The following RNF214 variants were observed in gnomAD, a reference collection of about 807,000 sequenced individuals.
RNF214 encodes ring finger protein 214.
A neutral mutation model predicts 75.9 loss-of-function variants in RNF214; 25 were observed. The observed-to-expected ratio is 0.33, with a 90% confidence interval of 0.24 to 0.46. The LOEUF is 0.46. Ranked by LOEUF, RNF214 falls within the 20% of genes least tolerant of loss-of-function variation. The pLI, the probability that RNF214 is intolerant of heterozygous loss-of-function variation, is 1.00. For missense variants in RNF214, 725 were observed against 857.5 expected (o/e 0.85, Z 1.93); for synonymous variants, 314 against 308.8 (o/e 1.02, Z -0.18).
chr11:117,244,372 C>T, intron 4 of RNF214, 73 bp from the exon 5 acceptor site: 5 of 1,331,314 alleles, frequency 3.8e-6, no homozygotes, highest in Non-Finnish European at 4.3e-6. Flanking sequence ...TATACAATGC[C>T]TTGGACAGGC....
chr11:117,250,584 A>G (rs940208940), intron 6 of RNF214, among the ~76,000 whole-genome samples: 4 of 145,186 alleles, frequency 2.8e-5, no homozygotes, highest in Non-Finnish European at 6.0e-5. Context: ...CATTCATTTT[A>G]TTATTTTTAT....
chr11:117,280,982 C>CTTTTTTTT (rs57955215), intron 8 of RNF214, among the ~76,000 whole-genome samples: 1 of 88,020 alleles, frequency 1.1e-5, no homozygotes, highest in African/African-American at 4.6e-5. Context: ...AGGAATAGGG[C>CTTTTTTTT]TTTTTTTTTT....
chr11:117,248,980 G>A (rs1029212173), intron 6 of RNF214, among the ~76,000 whole-genome samples: 4 of 152,048 alleles, frequency 2.6e-5, no homozygotes, highest in African/African-American at 9.7e-5. Context: ...CTGGAGTGCA[G>A]TGGCGCAATC....
chr11:117,281,386 A>G lies in RNF214; in HGVS notation c.1218A>G (p.Ile406Met). The part of the protein sequence containing the change: ...EWETRLNGVR[I>M]MKKNVRDQFN... Reference sequence around the variant, plus strand: ...AGACGAGACTGAATGGAGTTCGGATAATGAAAAAGAATGTTCGTGTAAGTG... The same window carrying G: ...AGACGAGACTGAATGGAGTTCGGATGATGAAAAAGAATGTTCGTGTAAGTG... Residue 406 changes from isoleucine (I) to methionine (M), a missense_variant, in exon 9 of 15, where the codon ATA (isoleucine) becomes ATG (methionine). Physicochemically the swap from Ile to Met is conservative, Grantham distance 10. Around this residue, in one of 2 missense-constraint regions of RNF214, gnomAD observed 363 missense variants for 513.0 expected, o/e 0.71. Coordinates refer to ENST00000300650, the MANE Select transcript of RNF214 (RefSeq NM_207343.4). 2 of 1,611,478 alleles carry G rather than the reference A, an allele frequency of 1.2e-6. No homozygotes were observed. Among genetic ancestry groups the G allele is most frequent in the Non-Finnish European group, 8.5e-7 (1 of 1,177,704 alleles).
intron 1 of RNF214, among the ~76,000 whole-genome samples, 166 bp from the exon 2 acceptor site, chr11:117,234,101 G>A (rs2032829378): frequency 6.6e-6 from 1 of 152,182 alleles, no homozygotes; most frequent in Admixed American, 6.5e-5. Context: ...CTAGGACTTT[G>A]CATACAATGT....
chr11:117,261,791 GC>G (rs1362506010), intron 6 of RNF214, among the ~76,000 whole-genome samples: 1 of 151,122 alleles, frequency 6.6e-6, no homozygotes, highest in Non-Finnish European at 1.5e-5. Context: ...GATTACTGGT[GC>G]CTGCCACCAT....
rs1460849153 is a variant in RNF214, at chr11:117,239,012, T to C, written c.519T>C (p.Pro173=). ...GGGACACAAGCTTGGATTTCCGACC[T>C]GTAGTGTCTCCAGCAAATGGGGTTG... ...GNRDTSLDFR[P]VVSPANGVEG... is the part of the protein sequence containing the mutation. Residue 173 remains proline, a synonymous_variant, in exon 3 of 15, where the codon CCT becomes CCC. Coordinates refer to ENST00000300650, the MANE Select transcript of RNF214 (RefSeq NM_207343.4). 2.5e-6 allele frequency: 4 copies of C among 1,614,216 alleles called. No individual in the cohort carries two copies. The highest frequency in any genetic ancestry group is 2.2e-5 in the East Asian group (1 of 44,892).
At chr11:117,253,503 T>C (rs899913205) in intron 6 of RNF214, among the ~76,000 whole-genome samples, 1 of 152,208 alleles carries the variant, frequency 6.6e-6, no homozygotes, top group African/African-American at 2.4e-5. Context: ...TCCCTGTTAG[T>C]GCTCTTCCAG....
At chr11:117,240,356 C>T (rs2134358193) in intron 4 of RNF214, among the ~76,000 whole-genome samples, 1 of 130,534 alleles carries the variant, frequency 7.7e-6, no homozygotes, top group South Asian at 2.4e-4. Flanking sequence ...GCCTGGGTGA[C>T]AGAGTGAGAC....
intron 6 of RNF214, among the ~76,000 whole-genome samples, chr11:117,257,437 T>TA (rs2134385752): frequency 6.6e-6 from 1 of 152,318 alleles, no homozygotes; most frequent in African/African-American, 2.4e-5. Flanking sequence ...ACAGAAAAAG[T>TA]AAAAAATAAC....
At chr11:117,276,025 A>G (rs1250376114) in intron 6 of RNF214, among the ~76,000 whole-genome samples, 2 of 152,242 alleles carry the variant, frequency 1.3e-5, no homozygotes, top group African/African-American at 4.8e-5. Context: ...CAGCATATCA[A>G]AAAGATAATT....
chr11:117,265,744 A>G (rs1004323121), intron 6 of RNF214, among the ~76,000 whole-genome samples: 9 of 152,154 alleles, frequency 5.9e-5, no homozygotes, highest in Non-Finnish European at 1.2e-4. Context: ...AAATCAACTT[A>G]TTTGAGATAT....
rs542831573 is a variant in RNF214 at position 117,279,662 on chromosome 11, G to A, written c.960-246G>A. Among the ~76,000 whole-genome samples, 3 of 152,090 alleles carry A rather than the reference G, an allele frequency of 2.0e-5. No individual in the cohort carries two copies. In the South Asian group the frequency reaches 6.2e-4, roughly 32 times the overall value. Reference sequence around the variant, plus strand: ...ACAACGTTTTTACTTTCAAATATAGGGCCATTATGCAACTGCAGACCACTG... The same window carrying A: ...ACAACGTTTTTACTTTCAAATATAGAGCCATTATGCAACTGCAGACCACTG... On this transcript the variant is annotated intron_variant, in intron 6 of 14. Coordinates refer to ENST00000300650, the MANE Select transcript of RNF214 (RefSeq NM_207343.4).
At chr11:117,235,838 A>G (rs913755484) in intron 2 of RNF214, among the ~76,000 whole-genome samples, 1 of 152,186 alleles carries the variant, frequency 6.6e-6, no homozygotes, top group Admixed American at 6.5e-5. Flanking sequence ...TGATCAGATC[A>G]GGGTAATTAG....
chr11:117,238,628 G>C lies in RNF214; in HGVS notation c.135G>C (p.Lys45Asn). The change falls in exon 3 of 15, where the codon AAG becomes AAC. Residue 45 changes from lysine (K) to asparagine (N), a missense_variant. Around this residue, in one of 2 missense-constraint regions of RNF214, gnomAD observed 362 missense variants for 344.5 expected, o/e 1.05. Coordinates refer to ENST00000300650, the MANE Select transcript of RNF214 (RefSeq NM_207343.4). ...LSTKDSAQKQKNSPLLSVSSQ... is the reference protein window; with the variant it reads ...LSTKDSAQKQNNSPLLSVSSQ... ...CCAAAGACTCTGCACAGAAGCAGAA[G>C]AACTCGCCTCTGTTGAGTGTAAGTA... 3 of 1,613,700 alleles carry C rather than the reference G, an allele frequency of 1.9e-6. No individual in the cohort carries two copies. Among genetic ancestry groups the C allele is most frequent in the Non-Finnish European group, 2.5e-6 (3 of 1,179,714 alleles).
chr11:117,259,310 C>T (rs1198547919), intron 6 of RNF214, among the ~76,000 whole-genome samples: 1 of 152,160 alleles, frequency 6.6e-6, no homozygotes, highest in African/African-American at 2.4e-5. Flanking sequence ...TTTATTCATT[C>T]TGCTGTTGAT....
At chr11:117,253,088 C>T (rs2033439774) in intron 6 of RNF214, among the ~76,000 whole-genome samples, 1 of 152,122 alleles carries the variant, frequency 6.6e-6, no homozygotes, top group Non-Finnish European at 1.5e-5. Context: ...TCATGGCTCA[C>T]TAAAGCCTTG....
chr11:117,246,373 AAAAC>A (rs143561125), intron 5 of RNF214, among the ~76,000 whole-genome samples: 42 of 152,336 alleles, frequency 2.8e-4, no homozygotes, highest in Non-Finnish European at 4.6e-4. Flanking sequence ...GTTAAAGAGT[AAAAC>A]AAACAAAACC....
intron 6 of RNF214, among the ~76,000 whole-genome samples, chr11:117,275,332 A>G (rs1245076524): frequency 6.6e-6 from 1 of 152,160 alleles, no homozygotes; most frequent in Non-Finnish European, 1.5e-5. Context: ...GTCTAATAAT[A>G]TCACACCTCA....
Sources: gnomAD v4.1 joint callset for allele counts (sites outside exome capture counted in the v4.1 genomes callset) on GRCh38, gnomAD v4.1.1 for gene constraint, gnomAD v4.1.1 regional missense constraint, MANE v1.5 for transcripts, NCBI Gene and HGNC (gene_info 2026-07-23, HGNC 2026-07-21) for gene names.